Variants in UNC13C observed in about 807,000 individuals in gnomAD.
UNC13C encodes unc-13 homolog C.
A neutral mutation model predicts 245.4 loss-of-function variants in UNC13C; 174 were observed. The ratio of observed to expected loss-of-function variants is 0.71; its 90% CI spans 0.63 to 0.80. The LOEUF (loss-of-function observed/expected upper bound fraction) is 0.80. UNC13C is among the 30% of genes least tolerant of loss of function. UNC13C has a pLI of 0.00. For missense variants in UNC13C, 2,829 were observed against 2,602.9 expected (o/e 1.09, Z -1.89); for synonymous variants, 992 against 895.1 (o/e 1.11, Z -1.93).
At chr15:54,431,297 T>C (rs1244123359) in intron 19 of UNC13C, among the ~76,000 whole-genome samples, 1 of 151,702 alleles carries the variant, frequency 6.6e-6, no homozygotes, top group African/African-American at 2.4e-5. Flanking sequence ...CTGCCAACTT[T>C]ACTTCTCTGA....
chr15:54,367,077 CTT>C (rs2039382134), intron 17 of UNC13C, among the ~76,000 whole-genome samples: 1 of 152,116 alleles, frequency 6.6e-6, no homozygotes, highest in Admixed American at 6.6e-5. Flanking sequence ...TGACATGACA[CTT>C]ATTTATTAAT....
chr15:53,871,845 G>A, the UNC13C span, among the ~76,000 whole-genome samples: 4 of 152,178 alleles, frequency 2.6e-5, no homozygotes, highest in African/African-American at 7.2e-5. Context: ...TCATCACAGT[G>A]AGTATTGTGG....
intron 26 of UNC13C, among the ~76,000 whole-genome samples, chr15:54,540,527 C>G (rs533258374): frequency 1.3e-5 from 2 of 151,904 alleles, no homozygotes; most frequent in African/African-American, 4.8e-5. Context: ...TGCTAGTTTG[C>G]CATTATTTTC....
intron 2 of UNC13C, among the ~76,000 whole-genome samples, chr15:54,042,622 G>C (rs1052979220): frequency 1.3e-5 from 2 of 152,136 alleles, no homozygotes; most frequent in Non-Finnish European, 1.5e-5. Context: ...GGGAGGCTGA[G>C]GCGGGCGGAT....
chr15:53,935,494 C>T, the UNC13C span, among the ~76,000 whole-genome samples: 1 of 152,172 alleles, frequency 6.6e-6, no homozygotes, highest in Non-Finnish European at 1.5e-5. Flanking sequence ...TTCTCATGAT[C>T]CACCTACCCA....
chr15:54,348,556 C>T (rs1186893207), intron 17 of UNC13C, among the ~76,000 whole-genome samples: 1 of 152,076 alleles, frequency 6.6e-6, no homozygotes, highest in Non-Finnish European at 1.5e-5. Flanking sequence ...ATTTTGGCCA[C>T]GTTATCCTCT....
intron 17 of UNC13C, among the ~76,000 whole-genome samples, chr15:54,349,977 G>A (rs1411555448): frequency 6.6e-6 from 1 of 152,012 alleles, no homozygotes; most frequent in South Asian, 2.1e-4. Context: ...TTGTATATTA[G>A]CACAATAATA....
At chr15:53,923,254 G>A in the UNC13C span, among the ~76,000 whole-genome samples, 23 of 152,194 alleles carry the variant, frequency 1.5e-4, no homozygotes, top group Non-Finnish European at 2.6e-4. Flanking sequence ...AAGGTAATGT[G>A]ATTATTTTTG....
At chr15:54,169,463 A>G (rs950425554) in intron 4 of UNC13C, among the ~76,000 whole-genome samples, 17 of 152,212 alleles carry the variant, frequency 1.1e-4, no homozygotes, top group African/African-American at 3.6e-4. Context: ...CAATTCCTAC[A>G]GTAATTAATT....
chr15:54,241,952 C>T (rs942223570), intron 7 of UNC13C, among the ~76,000 whole-genome samples: 1 of 152,306 alleles, frequency 6.6e-6, no homozygotes, highest in South Asian at 2.1e-4. Context: ...TTCATAAGCA[C>T]GGACTTTGAC....
intron 13 of UNC13C, among the ~76,000 whole-genome samples, chr15:54,306,683 A>T (rs985486152): frequency 2.0e-5 from 3 of 152,040 alleles, no homozygotes; most frequent in African/African-American, 7.2e-5. Context: ...TTATTGTAAC[A>T]TGAAGGCTAA....
the UNC13C span, among the ~76,000 whole-genome samples, chr15:53,906,810 A>G: frequency 6.6e-6 from 1 of 152,226 alleles, no homozygotes; most frequent in Non-Finnish European, 1.5e-5. Context: ...GAGGTCCTCA[A>G]GAAACTTATA....
intron 4 of UNC13C, among the ~76,000 whole-genome samples, chr15:54,233,917 G>A (rs977939822): frequency 6.6e-6 from 1 of 152,148 alleles, no homozygotes; most frequent in Non-Finnish European, 1.5e-5. Flanking sequence ...AGCATAAGGA[G>A]AAGCTATCAT....
intron 12 of UNC13C, among the ~76,000 whole-genome samples, chr15:54,298,818 GTGT>G (rs2037502001): frequency 6.6e-6 from 1 of 152,098 alleles, no homozygotes; most frequent in Non-Finnish European, 1.5e-5. Context: ...TCTTCTTCAT[GTGT>G]TTCAAAGTAA....
intron 19 of UNC13C, among the ~76,000 whole-genome samples, chr15:54,418,171 A>T (rs528656880): frequency 6.6e-6 from 1 of 152,122 alleles, no homozygotes. Flanking sequence ...TTTAGCCTCA[A>T]TCCTTACCCA....
intron 20 of UNC13C, among the ~76,000 whole-genome samples, chr15:54,498,824 A>T (rs1894070256): frequency 1.3e-5 from 2 of 152,188 alleles, no homozygotes; most frequent in Admixed American, 1.3e-4. Flanking sequence ...CCCCACATGG[A>T]CCTACAGTTT....
At chr15:54,060,237 C>A (rs903675254) in intron 2 of UNC13C, among the ~76,000 whole-genome samples, 3 of 152,122 alleles carry the variant, frequency 2.0e-5, no homozygotes, top group Non-Finnish European at 4.4e-5. Flanking sequence ...GGGCTAATAT[C>A]CAGAATCTAC....
At chr15:53,873,925 TTCCTTCCTTCCTTCCTTCCTTCC>T in the UNC13C span, among the ~76,000 whole-genome samples, 3 of 56,006 alleles carry the variant, frequency 5.4e-5, no homozygotes, top group South Asian at 5.6e-4. Flanking sequence ...CCTTCCTTTC[TTCCTTCCTTCCTTCCTTCCTTCC>T]TTCCTTCCTT....
chr15:54,013,934 A>C lies in UNC13C; in HGVS notation c.1031A>C (p.Asp344Ala). ...AGCGTGGTGTACCAAATTCTAATAG[A>C]TAAAATGGGTTTTTCAGATGCACCA... ...VESVVYQILI[D>A]KMGFSDAPNA... The change falls in exon 2 of 33, where the codon GAT becomes GCT. Residue 344 changes from aspartate (D) to alanine (A), a missense_variant. Transcript: ENST00000260323. 6.2e-7 allele frequency: 1 copy of C among 1,613,398 alleles called. No homozygotes were observed. The highest frequency in any genetic ancestry group is 2.2e-5 in the East Asian group (1 of 44,878).
Sources: allele counts gnomAD v4.1 joint callset (sites outside exome capture counted in the v4.1 genomes callset), GRCh38; gene constraint gnomAD v4.1.1; transcripts MANE v1.5; gene names NCBI Gene and HGNC (gene_info 2026-07-23, HGNC 2026-07-21).